GJB7: variants seen among roughly 807,000 people sequenced by gnomAD.
GJB7 encodes the protein gap junction protein beta 7, also known as gap junction beta-7 protein.
For synonymous variants in GJB7, 87 were observed against 95.2 expected, an observed-to-expected ratio of 0.91 and a Z score of 0.50; for missense variants, 253 against 256.8, an observed-to-expected ratio of 0.99 and a Z score of 0.10.
intron 2 of GJB7, among the ~76,000 whole-genome samples, chr6:87,321,214 G>A (rs1279911344): frequency 8.0e-6 from 1 of 124,434 alleles, no homozygotes; most frequent in African/African-American, 3.1e-5. Flanking sequence ...GTGACACTCC[G>A]ACACTCCATC....
intron 2 of GJB7, chr6:87,300,182 C>T (rs148859864): frequency 8.4e-4 from 183 of 217,050 alleles, no homozygotes; most frequent in African/African-American, 4.1e-3. Context: ...AAAAATCCTG[C>T]AGTGACTATT....
chr6:87,284,679 G>C lies in GJB7; in HGVS notation c.234C>G (p.Ala78=). The change falls in exon 3 of 3, where the codon GCC becomes GCG. Residue 78 remains alanine, a synonymous_variant. Transcript: ENST00000525899. ...GTGTGGAGACCATTATCAGTTGTAA[G>C]GCCCAAAGTCTGACTTGGGAAATGG... ...FFPISQVRLW[A]LQLIMVSTPS... The C allele has an allele frequency of 6.2e-7, 1 of 1,614,124 alleles. No homozygotes were observed.
At chr6:87,293,824 G>T (rs565024232) in intron 2 of GJB7, among the ~76,000 whole-genome samples, 1 of 152,308 alleles carries the variant, frequency 6.6e-6, no homozygotes, top group Admixed American at 6.5e-5. Flanking sequence ...TATGACAGAG[G>T]TGTAATTTTC....
chr6:87,328,480 G>C (rs12190506), intron 1 of GJB7, among the ~76,000 whole-genome samples: 75,953 of 149,608 alleles, frequency 0.51, 19,694 homozygotes, highest in African/African-American at 0.57. Flanking sequence ...AGACAGGACC[G>C]TAAGCTTCAG....
rs1582550537 is a variant in GJB7 at position 87,284,390 on chromosome 6, C to T, written c.523G>A (p.Glu175Lys). The change falls in exon 3 of 3, where the codon GAG (glutamate) becomes AAG (lysine). Residue 175 changes from glutamate (E) to lysine (K), a missense_variant. Glu to Lys is a moderately conservative substitution (Grantham distance 56). Transcript: ENST00000525899. ...TVDCFISKPT[E>K]KTIFILFLVI... ...AAGAAGAGGATGAAGATCGTCTTCT[C>T]AGTGGGTTTGGAGATGAAGCAGTCC... is the stretch of plus-strand genomic sequence containing the variant. 1 of 1,614,140 alleles carries T rather than the reference C, an allele frequency of 6.2e-7. No individual in the cohort carries two copies. Among genetic ancestry groups the T allele is most frequent in the Non-Finnish European group, 8.5e-7 (1 of 1,180,020 alleles).
Position 87,316,935 on chromosome 6 carries a change from T to G in GJB7, c.-28+5931A>C, listed in dbSNP as rs147707295. On this transcript the variant is annotated intron_variant, in intron 2 of 2. Transcript: ENST00000525899. ...AACATCCTTTCTAACTTCTTTGCCT[T>G]GCTTATCACTTTGATTGTGATTCTG... is the stretch of plus-strand genomic sequence containing the variant. 1.6e-4 allele frequency among the ~76,000 whole-genome samples: 25 copies of G among 152,356 alleles called. No individual in the cohort carries two copies. The East Asian group carries it at 3.7e-3, about 22-fold the overall frequency.
chr6:87,324,049 TG>T (rs1458406414), intron 1 of GJB7, among the ~76,000 whole-genome samples: 2 of 150,234 alleles, frequency 1.3e-5, no homozygotes, highest in Admixed American at 6.6e-5. Context: ...TTTTCATGTG[TG>T]TTTTGGCTGC....
intron 2 of GJB7, chr6:87,298,982 G>C (rs971566058): frequency 2.1e-6 from 1 of 467,390 alleles, no homozygotes; most frequent in Non-Finnish European, 4.2e-6. Flanking sequence ...AGTAACAAAA[G>C]ATGGTGTGAC....
intron 2 of GJB7, among the ~76,000 whole-genome samples, chr6:87,305,691 G>A (rs1776414942): frequency 6.6e-6 from 1 of 152,114 alleles, no homozygotes; most frequent in African/African-American, 2.4e-5. Context: ...AAGTTCATAT[G>A]GAACCAAAAA....
In GJB7 at chr6:87,283,162, T is replaced by A. The variant is rs1776002150; in HGVS notation, c.*1079A>T. On this transcript the variant is annotated 3_prime_UTR_variant, in exon 3 of 3. Transcript: ENST00000525899. The stretch of plus-strand genomic sequence containing the variant: ...CCACTGTAACAACATAGTACACATT[T>A]TACTATCTGTCCTAGAGGGAGATAT... 2 of 152,262 alleles carry A rather than the reference T, an allele frequency of 1.3e-5. No homozygotes were observed. Among genetic ancestry groups the A allele is most frequent in the African/African-American group, 4.8e-5 (2 of 41,472 alleles). 9.4% of individuals were successfully genotyped at this position (152,262 alleles called of 1,614,324 possible).
At chr6:87,326,148 C>G (rs1442937120) in intron 1 of GJB7, among the ~76,000 whole-genome samples, 1 of 152,044 alleles carries the variant, frequency 6.6e-6, no homozygotes, top group African/African-American at 2.4e-5. Context: ...CTATTTGATT[C>G]TTCTCTCTTT....
chr6:87,286,338 TATTCA>T lies in GJB7; in HGVS notation c.-27-1404_-27-1400del, dbSNP rs570515938. On this transcript the variant is annotated intron_variant, in intron 2 of 2. Coordinates refer to ENST00000525899, the MANE Select transcript of GJB7 (RefSeq NM_198568.3). ...ACCCAAGCGCCTGTCAGAAATCTCATATTCATCCTAGACTCCTCTCTCATGACCTT... is the reference window on the plus strand; with the variant it reads ...ACCCAAGCGCCTGTCAGAAATCTCATTCCTAGACTCCTCTCTCATGACCTT... Among the ~76,000 whole-genome samples, 21 of 152,234 alleles carry T rather than the reference TATTCA, an allele frequency of 1.4e-4. 1 individual carries two copies. Among genetic ancestry groups the T allele is most frequent in the Non-Finnish European group, 2.9e-4 (20 of 68,040 alleles).
chr6:87,310,836 A>T (rs1368268407), intron 2 of GJB7, among the ~76,000 whole-genome samples: 1 of 152,218 alleles, frequency 6.6e-6, no homozygotes, highest in East Asian at 1.9e-4. Context: ...ACTTTGTATA[A>T]GAATTAACTC....
At chr6:87,308,791 C>T (rs895784651) in intron 2 of GJB7, among the ~76,000 whole-genome samples, 1 of 151,348 alleles carries the variant, frequency 6.6e-6, no homozygotes, top group Non-Finnish European at 1.5e-5. Flanking sequence ...ACAGAGAAGA[C>T]CTTAAAGGCA....
intron 2 of GJB7, chr6:87,298,946 T>C: frequency 2.2e-6 from 1 of 448,668 alleles, no homozygotes. Flanking sequence ...CCAAAAACAA[T>C]GATTGATCAA....
intron 2 of GJB7, among the ~76,000 whole-genome samples, chr6:87,319,349 A>G (rs9450655): frequency 0.011 from 1,741 of 152,310 alleles, 31 homozygotes; most frequent in African/African-American, 0.04. Flanking sequence ...TTTCTCTGTT[A>G]TCTTTACCTA....
chr6:87,323,999 T>C (rs1776748979), intron 1 of GJB7, among the ~76,000 whole-genome samples: 1 of 150,462 alleles, frequency 6.6e-6, no homozygotes, highest in South Asian at 2.1e-4. Flanking sequence ...CATTGTGGTT[T>C]TGATTTGCAT....
At chr6:87,318,199 T>C (rs1562216722) in intron 2 of GJB7, among the ~76,000 whole-genome samples, 1 of 152,054 alleles carries the variant, frequency 6.6e-6, no homozygotes, top group Non-Finnish European at 1.5e-5. Context: ...ATTCCTGTGA[T>C]GCCAGACAGC....
At chr6:87,292,456 T>C (rs1167519810) in intron 2 of GJB7, among the ~76,000 whole-genome samples, 3 of 140,950 alleles carry the variant, frequency 2.1e-5, no homozygotes, top group Admixed American at 7.0e-5. Context: ...TTTTAATAAA[T>C]GTAATGTATA....
Sources: gnomAD v4.1 joint callset for allele counts (sites outside exome capture counted in the v4.1 genomes callset) on GRCh38, gnomAD v4.1.1 for gene constraint, MANE v1.5 for transcripts, NCBI Gene and HGNC (gene_info 2026-07-23, HGNC 2026-07-21) for gene names.